CISTR: variants seen among roughly 807,000 people sequenced by gnomAD.
CISTR encodes chondrogenic regulator lncRNA.
At chr12:53,749,157 G>C (rs1937816781) in intron 2 of CISTR, among the ~76,000 whole-genome samples, 1 of 152,002 alleles carries the variant, frequency 6.6e-6, no homozygotes, top group Admixed American at 6.6e-5. Context: ...GAAAGACTGA[G>C]AAAGAAAAAG....
chr12:53,753,694 GTGTGTGTGTA>G (rs896621448), intron 1 of CISTR, among the ~76,000 whole-genome samples: 2 of 146,646 alleles, frequency 1.4e-5, no homozygotes, highest in African/African-American at 2.5e-5. Flanking sequence ...GTGTGTGTGT[GTGTGTGTGTA>G]TGTGTGTGTG....
rs143489001 is a variant in CISTR at position 53,751,987 on chromosome 12, C to A, written n.415-1022G>T. On this transcript the variant is annotated intron_variant and non_coding_transcript_variant, in intron 1 of 2. Coordinates refer to ENST00000669269, the Ensembl canonical transcript of CISTR. This position sits in a 1 kb window ranked among gnomAD's most constrained non-coding sequence, Gnocchi z 4.6. ...CTCTTCCACAGGGTCTCTCCCTCCC[C>A]CTCTCCCCGTGGTTGTCAGACTTTC... Among the ~76,000 whole-genome samples, 1 of 152,046 alleles carries A rather than the reference C, an allele frequency of 6.6e-6. No homozygotes were observed. Among genetic ancestry groups the A allele is most frequent in the Non-Finnish European group, 1.5e-5 (1 of 68,012 alleles).
At chr12:53,754,703 C>A (rs550688538) in intron 1 of CISTR, among the ~76,000 whole-genome samples, 1 of 152,306 alleles carries the variant, frequency 6.6e-6, no homozygotes, top group African/African-American at 2.4e-5. Context: ...TCTCTTCATA[C>A]CTGCTAGGGA....
chr12:53,748,864 G>A (rs1937811947), intron 2 of CISTR, among the ~76,000 whole-genome samples: 2 of 152,300 alleles, frequency 1.3e-5, no homozygotes, highest in Admixed American at 1.3e-4. Context: ...GAAGGGTCAG[G>A]TAGAGGTTGC....
Position 53,747,630 on chromosome 12 carries a change from T to A in CISTR, n.1064-782A>T, listed in dbSNP as rs942822551. Reference sequence around the variant, plus strand: ...CCAGATACTGAGTTACTGGGGGTGGTGGGTCGGGAGGCATATTAAAAGGAA... The same window carrying A: ...CCAGATACTGAGTTACTGGGGGTGGAGGGTCGGGAGGCATATTAAAAGGAA... On this transcript the variant is annotated intron_variant and non_coding_transcript_variant, in intron 2 of 2. Coordinates refer to ENST00000669269, the Ensembl canonical transcript of CISTR. Among the ~76,000 whole-genome samples, 6 of 152,012 alleles carry A rather than the reference T, an allele frequency of 3.9e-5. No homozygotes were observed. In the East Asian group the frequency reaches 9.7e-4, roughly 24 times the overall value.
intron 1 of CISTR, among the ~76,000 whole-genome samples, chr12:53,753,767 G>A (rs1357008127): frequency 9.6e-6 from 1 of 104,066 alleles, no homozygotes; most frequent in East Asian, 2.5e-4. Context: ...AGGATGCAGG[G>A]CTTGGGAGGG....
intron 2 of CISTR, among the ~76,000 whole-genome samples, chr12:53,748,004 T>C (rs1473694515): frequency 6.6e-6 from 1 of 152,180 alleles, no homozygotes; most frequent in East Asian, 1.9e-4. Flanking sequence ...ACAAGACATG[T>C]AGATATCTGG....
At chr12:53,755,196 T>C (rs1470686619) in intron 1 of CISTR, among the ~76,000 whole-genome samples, 1 of 152,180 alleles carries the variant, frequency 6.6e-6, no homozygotes, top group Admixed American at 6.5e-5. Context: ...GGAGTTATTT[T>C]CCTAATATTT....
rs919013189 is a variant in CISTR, at chr12:53,751,721, G to T, written n.415-756C>A. The T allele has an allele frequency of 6.6e-6, 1 of 151,878 alleles. No individual in the cohort carries two copies. The highest frequency in any genetic ancestry group is 6.6e-5 in the Admixed American group (1 of 15,242). 9.4% of individuals were successfully genotyped at this position (151,878 alleles called of 1,614,324 possible). The stretch of plus-strand genomic sequence containing the variant: ...CGTCCCGGGGCGAGGGCAGCGGGCC[G>T]GTTCCCGCCCGCCCGGGGCCGCGGC... On this transcript the variant is annotated intron_variant and non_coding_transcript_variant, in intron 1 of 2. Transcript: ENST00000669269. The surrounding 1 kb of genome is among the most constrained non-coding windows in gnomAD (Gnocchi z 4.6).
intron 2 of CISTR, among the ~76,000 whole-genome samples, chr12:53,748,239 G>A (rs554352472): frequency 3.9e-5 from 6 of 152,296 alleles, no homozygotes; most frequent in African/African-American, 1.4e-4. Context: ...ACCGCGGGCC[G>A]TCAATCTTCC....
intron 2 of CISTR, among the ~76,000 whole-genome samples, chr12:53,747,842 G>T (rs1002016819): frequency 6.6e-6 from 1 of 152,124 alleles, no homozygotes; most frequent in Non-Finnish European, 1.5e-5. Context: ...TGCACTTGTT[G>T]CTCCATGTGT....
intron 1 of CISTR, chr12:53,755,823 T>C (rs1937908865): frequency 1.3e-5 from 2 of 152,462 alleles, no homozygotes; most frequent in Admixed American, 1.3e-4. Flanking sequence ...CACCTACCTA[T>C]CCAGTCCATG....
At chr12:53,749,784 T>TTTCTAAGTTGAAAAC (rs1386541232) in intron 2 of CISTR, among the ~76,000 whole-genome samples, 1 of 151,938 alleles carries the variant, frequency 6.6e-6, no homozygotes, top group Non-Finnish European at 1.5e-5. Flanking sequence ...GCCTAAGTGT[T>TTTCTAAGTTGAAAAC]AGCAATCAAG....
rs111459326 is a variant in CISTR, at chr12:53,749,968, G to A, written n.1063+349C>T. On this transcript the variant is annotated intron_variant and non_coding_transcript_variant, in intron 2 of 2. Transcript: ENST00000669269. The stretch of plus-strand genomic sequence containing the variant: ...AGGAGATCTTCCAGTGGCTGCTTGA[G>A]GGCCAGTTTCATTTTTCTGTCTATT... 3.2e-4 allele frequency among the ~76,000 whole-genome samples: 49 copies of A among 152,274 alleles called. No homozygotes were observed. In the Middle Eastern group the frequency reaches 0.01, roughly 32 times the overall value.
intron 2 of CISTR, among the ~76,000 whole-genome samples, chr12:53,749,017 C>T (rs532309146): frequency 1.3e-5 from 2 of 151,318 alleles, no homozygotes; most frequent in African/African-American, 4.8e-5. Flanking sequence ...CCTGGCAATT[C>T]CAAGCTCTTC....
chr12:53,753,052 T>TCTCACACACACACACA (rs1442599901), intron 1 of CISTR, among the ~76,000 whole-genome samples: 8 of 121,244 alleles, frequency 6.6e-5, no homozygotes, highest in African/African-American at 2.5e-4. Context: ...CATCTATACA[T>TCTCACACACACACACA]CACACACACA....
chr12:53,752,038 G>A (rs1478051814), intron 1 of CISTR, among the ~76,000 whole-genome samples: 1 of 151,552 alleles, frequency 6.6e-6, no homozygotes, highest in Non-Finnish European at 1.5e-5. Context: ...GCCCCGCACC[G>A]CCCGCCCCGG....
At chr12:53,750,111 C>T (rs1411453703) in intron 2 of CISTR, among the ~76,000 whole-genome samples, 4 of 152,154 alleles carry the variant, frequency 2.6e-5, no homozygotes, top group Admixed American at 2.6e-4. Flanking sequence ...CAGTCATCCT[C>T]CCTGCCAACA....
At chr12:53,752,384 C>T (rs922499798) in intron 1 of CISTR, among the ~76,000 whole-genome samples, 1 of 152,186 alleles carries the variant, frequency 6.6e-6, no homozygotes, top group Non-Finnish European at 1.5e-5. Context: ...CCCTCCGGCT[C>T]TGCCGGGACT....
Sources: allele counts gnomAD v4.1 joint callset (sites outside exome capture counted in the v4.1 genomes callset), GRCh38; gene constraint gnomAD v4.1.1; non-coding constraint Gnocchi (gnomAD v3.1); transcripts MANE v1.5; gene names NCBI Gene and HGNC (gene_info 2026-07-23, HGNC 2026-07-21).